ARHGAP15: variants seen among roughly 807,000 people sequenced by gnomAD.
ARHGAP15 encodes rho GTPase-activating protein 15.
A neutral mutation model predicts 63.7 loss-of-function variants in ARHGAP15; 51 were observed. The observed-to-expected ratio is 0.80, with a 90% CI of 0.64 to 1.01. The LOEUF is 1.01. Ranked by LOEUF, ARHGAP15 falls within the 50% of genes least tolerant of loss-of-function variation. ARHGAP15 has a pLI of 0.00. For synonymous variants in ARHGAP15, 191 were observed against 193.8 expected (o/e 0.99, Z 0.12); for missense variants, 560 against 564.6 (o/e 0.99, Z 0.08).
At chr2:143,492,884 G>A (rs545233433) in intron 9 of ARHGAP15, among the ~76,000 whole-genome samples, 273 of 148,786 alleles carry the variant, frequency 1.8e-3, no homozygotes, top group Non-Finnish European at 3.2e-3. Context: ...GTGGAACCCC[G>A]TCTCTTCTAA....
chr2:143,311,347 A>G (rs1158494420), intron 6 of ARHGAP15, among the ~76,000 whole-genome samples: 1 of 150,918 alleles, frequency 6.6e-6, no homozygotes, highest in African/African-American at 2.4e-5. Flanking sequence ...CCCACCATTC[A>G]TATTCTTGTG....
chr2:143,370,764 A>G (rs953919883), intron 6 of ARHGAP15, among the ~76,000 whole-genome samples: 2 of 152,202 alleles, frequency 1.3e-5, no homozygotes, highest in African/African-American at 2.4e-5. Flanking sequence ...GCAACTTCAG[A>G]TTCCTTTTCC....
At chr2:143,663,270 T>C (rs1268255626) in intron 12 of ARHGAP15, among the ~76,000 whole-genome samples, 4 of 150,172 alleles carry the variant, frequency 2.7e-5, no homozygotes, top group Admixed American at 6.6e-5. Flanking sequence ...TCAACATTCT[T>C]AAAGAAAAGA....
At chr2:143,432,914 T>C (rs1192513550) in intron 6 of ARHGAP15, among the ~76,000 whole-genome samples, 1 of 152,024 alleles carries the variant, frequency 6.6e-6, no homozygotes, top group Admixed American at 6.6e-5. Flanking sequence ...TTATGTTGTC[T>C]ATAAGTTCTT....
intron 13 of ARHGAP15, among the ~76,000 whole-genome samples, chr2:143,741,818 A>C (rs970264461): frequency 1.3e-5 from 2 of 152,248 alleles, no homozygotes; most frequent in Non-Finnish European, 2.9e-5. Flanking sequence ...ATGCCGGAGC[A>C]TCTTGAATAC....
chr2:143,473,995 A>T (rs780042058), intron 8 of ARHGAP15, among the ~76,000 whole-genome samples: 1 of 152,160 alleles, frequency 6.6e-6, no homozygotes. Flanking sequence ...CCAAAAGTTC[A>T]AGTTTCAGAG....
intron 10 of ARHGAP15, among the ~76,000 whole-genome samples, chr2:143,546,205 T>C (rs753296304): frequency 1.3e-5 from 2 of 151,942 alleles, no homozygotes; most frequent in Non-Finnish European, 2.9e-5. Context: ...TAGAAAAAAA[T>C]CCAATGGAAA....
intron 6 of ARHGAP15, among the ~76,000 whole-genome samples, chr2:143,340,087 C>T (rs956066060): frequency 6.6e-6 from 1 of 152,026 alleles, no homozygotes; most frequent in Non-Finnish European, 1.5e-5. Context: ...TATACAGAAG[C>T]AATACGTATA....
At chr2:143,560,678 T>A (rs1421015114) in intron 11 of ARHGAP15, among the ~76,000 whole-genome samples, 2 of 152,152 alleles carry the variant, frequency 1.3e-5, no homozygotes, top group African/African-American at 4.8e-5. Flanking sequence ...ACCGTTGGAG[T>A]TTTGCTAAAA....
intron 10 of ARHGAP15, among the ~76,000 whole-genome samples, chr2:143,540,038 G>A (rs1214418772): frequency 6.6e-6 from 1 of 152,138 alleles, no homozygotes; most frequent in African/African-American, 2.4e-5. Context: ...GGTCACTAAG[G>A]ACTTGCTTTA....
intron 1 of ARHGAP15, among the ~76,000 whole-genome samples, chr2:143,147,201 C>T (rs1198028519): frequency 6.6e-6 from 1 of 152,010 alleles, no homozygotes; most frequent in African/African-American, 2.4e-5. Context: ...TAGCCTGTCC[C>T]AGTGAGGGTC....
At chr2:143,290,169 T>C (rs1473065499) in intron 6 of ARHGAP15, among the ~76,000 whole-genome samples, 2 of 152,062 alleles carry the variant, frequency 1.3e-5, no homozygotes, top group African/African-American at 4.8e-5. Flanking sequence ...ACTTTCCCAA[T>C]AGCTATTTAC....
At chr2:143,412,649 G>A (rs568078365) in intron 6 of ARHGAP15, among the ~76,000 whole-genome samples, 51 of 152,080 alleles carry the variant, frequency 3.4e-4, no homozygotes, top group African/African-American at 1.1e-3. Flanking sequence ...TAGCTAGGAC[G>A]GATTTTTTAA....
chr2:143,324,068 T>G (rs1218946211), intron 6 of ARHGAP15, among the ~76,000 whole-genome samples: 1 of 152,162 alleles, frequency 6.6e-6, no homozygotes, highest in Non-Finnish European at 1.5e-5. Flanking sequence ...TCCCATCTCA[T>G]GGATCTGGGC....
At chr2:143,745,482 C>CA (rs1223254143) in intron 13 of ARHGAP15, among the ~76,000 whole-genome samples, 2 of 152,200 alleles carry the variant, frequency 1.3e-5, no homozygotes, top group Non-Finnish European at 2.9e-5. Context: ...GACACACCCT[C>CA]ATGCTTCCAA....
chr2:143,356,614 G>A (rs1685820055), intron 6 of ARHGAP15, among the ~76,000 whole-genome samples: 1 of 151,986 alleles, frequency 6.6e-6, no homozygotes, highest in African/African-American at 2.4e-5. Context: ...CCAAAATAAA[G>A]CATTGGCCCC....
chr2:143,528,040 G>C (rs553294224), intron 10 of ARHGAP15, among the ~76,000 whole-genome samples: 1 of 152,108 alleles, frequency 6.6e-6, no homozygotes, highest in African/African-American at 2.4e-5. Flanking sequence ...ATTGAAGTTA[G>C]GTTTCCTTAA....
chr2:143,236,104 A>T, intron 5 of ARHGAP15: 6 of 1,095,256 alleles, frequency 5.5e-6, no homozygotes, highest in Admixed American at 3.7e-5. Flanking sequence ...ACAGTTAACA[A>T]CTCCTACCAG....
At chr2:143,552,285 CA>C (rs1695599462) in intron 10 of ARHGAP15, among the ~76,000 whole-genome samples, 1 of 152,190 alleles carries the variant, frequency 6.6e-6, no homozygotes, top group African/African-American at 2.4e-5. Context: ...TCCACATCTG[CA>C]TGGTTTGTCC....
Sources: gnomAD v4.1 joint callset for allele counts (sites outside exome capture counted in the v4.1 genomes callset) on GRCh38, gnomAD v4.1.1 for gene constraint, MANE v1.5 for transcripts, NCBI Gene and HGNC (gene_info 2026-07-23, HGNC 2026-07-21) for gene names.